The following GHITM variants were observed in gnomAD, a reference collection of about 807,000 sequenced individuals.
GHITM encodes growth hormone inducible transmembrane protein, also known as growth hormone-inducible transmembrane protein.
Under a neutral mutation model 38.7 loss-of-function variants are expected in GHITM, and 24 were observed. The observed-to-expected ratio is 0.62, with a 90% CI of 0.45 to 0.87. GHITM has a LOEUF of 0.87. GHITM is among the 40% of genes least tolerant of loss of function. GHITM has a pLI of 0.00. For missense variants in GHITM, 420 were observed against 429.8 expected (o/e 0.98, Z 0.20); for synonymous variants, 154 against 147.8 (o/e 1.04, Z -0.30).
At position 84,141,446 on chromosome 10, in the gene GHITM, C is replaced by T; in HGVS notation, c.-39-16C>T. 2 of 1,574,994 alleles carry T rather than the reference C, an allele frequency of 1.3e-6. No homozygotes were observed. The highest frequency in any genetic ancestry group is 1.7e-5 in the Admixed American group (1 of 57,510). On this transcript the variant is annotated splice_polypyrimidine_tract_variant and intron_variant, in intron 1 of 8. Coordinates refer to ENST00000372134, the MANE Select transcript of GHITM (RefSeq NM_014394.3). ...CTTATGTTTTTTTGGTTGGTTTTGCCTTTTTTTTAAACTAGCATTTCAGAT... is the reference window on the plus strand; with the variant it reads ...CTTATGTTTTTTTGGTTGGTTTTGCTTTTTTTTTAAACTAGCATTTCAGAT...
intron 1 of GHITM, 42 bp from the exon 2 acceptor site, chr10:84,141,420 A>T (rs919154150): frequency 1.5e-6 from 2 of 1,300,918 alleles, no homozygotes; most frequent in Non-Finnish European, 1.1e-6. Context: ...AGGTTGTTTT[A>T]CTTATGTTTT....
At chr10:84,151,231 T>G (rs946502967) in intron 8 of GHITM, among the ~76,000 whole-genome samples, 2 of 152,182 alleles carry the variant, frequency 1.3e-5, no homozygotes, top group Non-Finnish European at 2.9e-5. Context: ...TACCAGGGAT[T>G]AGGATTTCAT....
chr10:84,142,253 C>A (rs1283045149), intron 2 of GHITM, among the ~76,000 whole-genome samples: 1 of 152,270 alleles, frequency 6.6e-6, no homozygotes, highest in Non-Finnish European at 1.5e-5. Flanking sequence ...GAGTCCATAT[C>A]CCAGATGACA....
intron 5 of GHITM, among the ~76,000 whole-genome samples, chr10:84,147,537 G>A (rs902939283): frequency 6.6e-6 from 1 of 152,194 alleles, no homozygotes; most frequent in African/African-American, 2.4e-5. Context: ...GGCCTAGTGT[G>A]TCACACAGGA....
At chr10:84,143,827 G>A (rs145900979) in intron 3 of GHITM, among the ~76,000 whole-genome samples, 168 bp from the exon 4 acceptor site, 8 of 152,258 alleles carry the variant, frequency 5.3e-5, no homozygotes, top group African/African-American at 1.9e-4. Flanking sequence ...TGTTTCAGGA[G>A]TGTTTTTTTC....
At chr10:84,146,702 T>G (rs1354062691) in intron 5 of GHITM, among the ~76,000 whole-genome samples, 1 of 152,170 alleles carries the variant, frequency 6.6e-6, no homozygotes, top group Non-Finnish European at 1.5e-5. Flanking sequence ...TACCTAAAAT[T>G]TTAGGCCCTA....
chr10:84,141,781 C>T, intron 2 of GHITM, 152 bp downstream of exon 2: 1 of 700,608 alleles, frequency 1.4e-6, no homozygotes, highest in East Asian at 2.6e-5. Context: ...TAGTTTGTAT[C>T]ATTCTGGTCC....
chr10:84,144,869 T>A lies in GHITM; in HGVS notation c.342-6T>A. ...TCATAGATTAATCATGTCATGTTTC[T>A]TACAGAATTTGGCCTCAGTATGTCA... On this transcript the variant is annotated splice_polypyrimidine_tract_variant and splice_region_variant and intron_variant, in intron 4 of 8. Transcript: ENST00000372134. 1 of 1,561,802 alleles carries A rather than the reference T, an allele frequency of 6.4e-7. No homozygotes were observed. The highest frequency in any genetic ancestry group is 8.7e-7 in the Non-Finnish European group (1 of 1,145,934).
Position 84,150,880 on chromosome 10 carries a change from C to T in GHITM, c.953C>T (p.Ser318Leu), listed in dbSNP as rs1334546110. The change falls in exon 8 of 9, where the codon TCG (serine) becomes TTG (leucine). Residue 318 changes from serine to leucine, a missense_variant and splice_region_variant. Coordinates refer to ENST00000372134, the MANE Select transcript of GHITM (RefSeq NM_014394.3). ...GTTCAAAAATATGATCCCATTAACT[C>T]GTAAGTAATGCTTTTTATTTAACAC... ...YGVQKYDPIN[S>L]MLSIYMDTLN... The T allele has an allele frequency of 2.5e-6, 4 of 1,578,488 alleles. No individual in the cohort carries two copies. The highest frequency in any genetic ancestry group is 3.5e-6 in the Non-Finnish European group (4 of 1,148,974).
intron 5 of GHITM, among the ~76,000 whole-genome samples, chr10:84,145,366 C>T (rs554936104): frequency 1.3e-5 from 2 of 152,310 alleles, no homozygotes; most frequent in South Asian, 4.1e-4. Context: ...GAGAGTTACT[C>T]AACCTGTATT....
chr10:84,150,074 G>T lies in GHITM; in HGVS notation c.612G>T (p.Val204=). 1 of 1,597,848 alleles carries T rather than the reference G, an allele frequency of 6.3e-7. No homozygotes were observed. Among genetic ancestry groups the T allele is most frequent in the Non-Finnish European group, 8.6e-7 (1 of 1,169,588 alleles). ...LLHSGVMGAV[V]APLTILGGPL... ...CTCCAGGTGTGATGGGTGCAGTGGT[G>T]GCTCCTCTGACAATATTAGGGGGTC... The change falls in exon 7 of 9, where the codon GTG becomes GTT. Residue 204 remains valine, a synonymous_variant. Coordinates refer to ENST00000372134, the MANE Select transcript of GHITM (RefSeq NM_014394.3).
chr10:84,152,137 A>C, intron 8 of GHITM, 127 bp from the exon 9 acceptor site: 1 of 562,652 alleles, frequency 1.8e-6, no homozygotes. Flanking sequence ...TGGCAGTTAA[A>C]CATCTTATTT....
intron 7 of GHITM, 74 bp downstream of exon 7, chr10:84,150,317 T>A: frequency 9.0e-7 from 1 of 1,113,518 alleles, no homozygotes; most frequent in Non-Finnish European, 1.2e-6. Context: ...AATATCCTAA[T>A]TGATTGAGTC....
Position 84,144,043 on chromosome 10 carries a change from T to G in GHITM, c.278T>G (p.Leu93Arg), listed in dbSNP as rs1441128600. 6.2e-7 allele frequency: 1 copy of G among 1,614,058 alleles called. No individual in the cohort carries two copies. The highest frequency in any genetic ancestry group is 8.5e-7 in the Non-Finnish European group (1 of 1,180,018). Residue 93 changes from leucine to arginine, a missense_variant, in exon 4 of 9, where the codon CTT becomes CGT. Leu to Arg is a moderately radical substitution (Grantham distance 102, BLOSUM62 -2). Transcript: ENST00000372134. Reference protein sequence around the residue: ...WFVAGGAAVGLGALCYYGLGL... With the variant: ...WFVAGGAAVGRGALCYYGLGL... ...GTTGCTGGAGGGGCTGCTGTTGGTC[T>G]TGGAGCATTGTGCTACTATGGCTTG...
chr10:84,143,000 G>A (rs964891189), intron 3 of GHITM, among the ~76,000 whole-genome samples: 6 of 151,936 alleles, frequency 3.9e-5, no homozygotes, highest in Admixed American at 3.3e-4. Flanking sequence ...ATATGCCATG[G>A]TCCAAAAGGT....
At chr10:84,146,294 C>T (rs375381916) in intron 5 of GHITM, among the ~76,000 whole-genome samples, 7 of 152,150 alleles carry the variant, frequency 4.6e-5, no homozygotes, top group Admixed American at 4.6e-4. Flanking sequence ...ACAACAAAAG[C>T]GTGATTTATA....
intron 6 of GHITM, among the ~76,000 whole-genome samples, 154 bp from the exon 7 acceptor site, chr10:84,149,901 A>T (rs551760937): frequency 6.6e-6 from 1 of 152,362 alleles, no homozygotes; most frequent in South Asian, 2.1e-4. Context: ...TTTGGGCTGT[A>T]GAATTTGGTG....
chr10:84,151,621 A>G (rs573513149), intron 8 of GHITM, among the ~76,000 whole-genome samples: 1 of 152,340 alleles, frequency 6.6e-6, no homozygotes, highest in Admixed American at 6.5e-5. Context: ...TAGAAATTAG[A>G]AACTCTTCAG....
intron 5 of GHITM, 39 bp downstream of exon 5, chr10:84,145,055 A>C (rs1479079975): frequency 6.5e-7 from 1 of 1,528,036 alleles, no homozygotes; most frequent in Non-Finnish European, 9.0e-7. Context: ...TCATCTAAAG[A>C]TCAAAAGATT....
Sources: allele counts gnomAD v4.1 joint callset (sites outside exome capture counted in the v4.1 genomes callset), GRCh38; gene constraint gnomAD v4.1.1; transcripts MANE v1.5; gene names NCBI Gene and HGNC (gene_info 2026-07-23, HGNC 2026-07-21).